Variants in COL4A6 observed in about 807,000 individuals in gnomAD.
COL4A6 encodes collagen alpha-6(IV) chain.
A neutral mutation model predicts 126.7 loss-of-function variants in COL4A6; 59 were observed. The observed-to-expected ratio is 0.47, with a 90% confidence interval of 0.38 to 0.58. COL4A6 has a LOEUF of 0.58. COL4A6 is among the 20% of genes least tolerant of loss of function. The pLI is 0.00. For missense variants in COL4A6, 1,285 were observed against 1,337.3 expected, an observed-to-expected ratio of 0.96 and a Z score of 0.61; for synonymous variants, 547 against 496.6, an observed-to-expected ratio of 1.10 and a Z score of -1.35.
intron 3 of COL4A6, among the ~76,000 whole-genome samples, chrX:108,241,622 C>G (rs759796290): frequency 7.1e-4 from 74 of 104,362 alleles, no homozygotes; most frequent in African/African-American, 2.2e-3. Context: ...AGTAGCATAG[C>G]TTGGTGAGGG....
chrX:108,224,817 G>T (rs2036120447), intron 3 of COL4A6, among the ~76,000 whole-genome samples: 1 of 111,208 alleles, frequency 9.0e-6, no homozygotes, highest in African/African-American at 3.3e-5. Context: ...CTAAATCAGT[G>T]GTGAATTCCT....
At chrX:108,439,326 A>C (rs1328504160), upstream of COL4A6, 1 of 714,754 alleles carries the variant, frequency 1.4e-6, no homozygotes, top group Non-Finnish European at 2.0e-6. Context: ...AACACACATA[A>C]AGTATTCACG....
At chrX:108,166,089 A>G (rs188883345) in intron 37 of COL4A6, among the ~76,000 whole-genome samples, 63 of 112,719 alleles carry the variant, frequency 5.6e-4, no homozygotes, top group Middle Eastern at 4.6e-3. Context: ...TGCCTATGGA[A>G]CAAATATCTC....
At chrX:108,326,411 TATG>T (rs200498334) in intron 2 of COL4A6, among the ~76,000 whole-genome samples, 7,495 of 112,102 alleles carry the variant, frequency 0.067, 542 homozygotes, top group African/African-American at 0.21. Context: ...AAGATATCTT[TATG>T]ATATCAATTT....
At chrX:108,234,115 T>A (rs1175350200) in intron 3 of COL4A6, among the ~76,000 whole-genome samples, 3 of 111,531 alleles carry the variant, frequency 2.7e-5, no homozygotes, top group Non-Finnish European at 5.6e-5. Flanking sequence ...TGCTTCAGAT[T>A]TCAAAGTGTT....
intron 3 of COL4A6, among the ~76,000 whole-genome samples, chrX:108,228,058 C>G (rs776094287): frequency 8.9e-6 from 1 of 112,096 alleles, no homozygotes; most frequent in Non-Finnish European, 1.9e-5. Flanking sequence ...TGGGACTTAC[C>G]CAAGTTCATA....
Position 108,196,599 on chromosome X carries a change from A to C in COL4A6, c.835-20T>G. ...AAGGCCCTAAATGAAAAAAGAAACCACAAGTTATAACGTTTGTTTTCTTGT... is the reference window on the plus strand; with the variant it reads ...AAGGCCCTAAATGAAAAAAGAAACCCCAAGTTATAACGTTTGTTTTCTTGT... On this transcript the variant is annotated intron_variant, in intron 13 of 44. Transcript: ENST00000334504. 1 of 1,146,059 alleles carries C rather than the reference A, an allele frequency of 8.7e-7. No individual in the cohort carries two copies. Among genetic ancestry groups the C allele is most frequent in the Non-Finnish European group, 1.2e-6 (1 of 848,943 alleles). 94.4% of individuals were successfully genotyped at this position (1,146,059 alleles called of 1,213,427 possible).
At position 108,235,853 on chromosome X, in the gene COL4A6, G is replaced by T. The variant is rs147813250; in HGVS notation, c.145-14479C>A. Among the ~76,000 whole-genome samples the T allele has an allele frequency of 4.4e-4, 49 of 110,576 alleles. No homozygotes were observed. The East Asian group carries it at 0.013, about 29-fold the overall frequency. Reference sequence around the variant, plus strand: ...TCTAGATGGGAAATCGAGGAGGGGGGAAGTGGCAGTCAGAAAAGCAAGCAA... The same window carrying T: ...TCTAGATGGGAAATCGAGGAGGGGGTAAGTGGCAGTCAGAAAAGCAAGCAA... On this transcript the variant is annotated intron_variant, in intron 3 of 44. Coordinates refer to ENST00000334504, the MANE Select transcript of COL4A6 (RefSeq NM_033641.4).
At chrX:108,383,682 C>T (rs1024977447) in intron 2 of COL4A6, 2 of 504,302 alleles carry the variant, frequency 4.0e-6, no homozygotes, top group Non-Finnish European at 3.6e-6. Context: ...TATTTTTCCT[C>T]AACACAGGAG....
intron 3 of COL4A6, among the ~76,000 whole-genome samples, chrX:108,284,319 G>A (rs2147820079): frequency 9.2e-6 from 1 of 108,401 alleles, no homozygotes; most frequent in Non-Finnish European, 1.9e-5. Flanking sequence ...GGGGGCTGGG[G>A]GGCTGGGGGA....
chrX:108,176,782 C>T (rs1052035942), intron 28 of COL4A6, 59 bp downstream of exon 28: 18 of 1,104,945 alleles, frequency 1.6e-5, no homozygotes, highest in South Asian at 1.1e-4. Flanking sequence ...GAGCAAGCTG[C>T]GCAGCTGAAA....
intron 2 of COL4A6, among the ~76,000 whole-genome samples, chrX:108,407,446 AG>A (rs1348920824): frequency 8.9e-6 from 1 of 112,623 alleles, no homozygotes; most frequent in Non-Finnish European, 1.9e-5. Flanking sequence ...AAAGGTAATT[AG>A]GGGTAATAGT....
intron 3 of COL4A6, 74 bp from the exon 4 acceptor site, chrX:108,221,448 A>C (rs934306178): frequency 1.4e-5 from 15 of 1,091,036 alleles, no homozygotes; most frequent in Non-Finnish European, 1.7e-5. Flanking sequence ...CCCACGCACA[A>C]AGAGCACTGT....
intron 3 of COL4A6, among the ~76,000 whole-genome samples, chrX:108,282,854 G>C (rs1172549470): frequency 1.8e-5 from 2 of 109,101 alleles, no homozygotes; most frequent in Non-Finnish European, 3.8e-5. Context: ...GTAGGGACAT[G>C]GATGAAATTG....
At chrX:108,158,996 C>T (rs751221080) in intron 44 of COL4A6, among the ~76,000 whole-genome samples, 1 of 112,225 alleles carries the variant, frequency 8.9e-6, no homozygotes, top group East Asian at 2.8e-4. Context: ...ATAAACACAG[C>T]ATGCACTCAT....
At chrX:108,238,114 T>G (rs186731371) in intron 3 of COL4A6, among the ~76,000 whole-genome samples, 115 of 99,561 alleles carry the variant, frequency 1.2e-3, no homozygotes, top group Middle Eastern at 5.0e-3. Flanking sequence ...GTGTGTGTGT[T>G]TTTTTTTTTT....
chrX:108,366,527 T>C (rs188031269), intron 2 of COL4A6, among the ~76,000 whole-genome samples: 139 of 112,407 alleles, frequency 1.2e-3, no homozygotes, highest in Non-Finnish European at 2.1e-3. Context: ...TATTAATTTC[T>C]TTCTATTTAG....
intron 3 of COL4A6, among the ~76,000 whole-genome samples, chrX:108,297,046 A>C (rs2038347510): frequency 8.9e-6 from 1 of 112,236 alleles, no homozygotes; most frequent in Non-Finnish European, 1.9e-5. Flanking sequence ...TAGCAACGAA[A>C]GCCTGATTAG....
intron 3 of COL4A6, among the ~76,000 whole-genome samples, chrX:108,257,323 T>C (rs2037033347): frequency 8.9e-6 from 1 of 111,889 alleles, no homozygotes; most frequent in Non-Finnish European, 1.9e-5. Context: ...CAGTGATTAT[T>C]AGGGTTTTGT....
Sources: allele counts gnomAD v4.1 joint callset (sites outside exome capture counted in the v4.1 genomes callset), GRCh38; gene constraint gnomAD v4.1.1; transcripts MANE v1.5; gene names NCBI Gene and HGNC (gene_info 2026-07-23, HGNC 2026-07-21).